MDGA2: variants seen among roughly 807,000 people sequenced by gnomAD.
MDGA2 encodes MAM domain containing glycosylphosphatidylinositol anchor 2, also known as MAM domain-containing glycosylphosphatidylinositol anchor protein 2.
A neutral mutation model predicts 117.8 loss-of-function variants in MDGA2; 40 were observed. The ratio of observed to expected loss-of-function variants is 0.34; its 90% CI spans 0.26 to 0.44. The LOEUF is 0.44. Among genes scored for constraint, MDGA2 ranks in the 20% least tolerant of loss-of-function variants. MDGA2 has a pLI of 1.00. For missense variants in MDGA2, 1,123 were observed against 1,250.6 expected, an observed-to-expected ratio of 0.90 and a Z score of 1.54; for synonymous variants, 452 against 439.0, an observed-to-expected ratio of 1.03 and a Z score of -0.37.
At chr14:46,904,451 A>C (rs1883414445) in intron 10 of MDGA2, among the ~76,000 whole-genome samples, 2 of 152,094 alleles carry the variant, frequency 1.3e-5, no homozygotes, top group Non-Finnish European at 2.9e-5. Flanking sequence ...CATTAATAGC[A>C]GAAGTGCTAA....
chr14:47,527,058 C>T (rs1894987051), intron 1 of MDGA2, among the ~76,000 whole-genome samples: 2 of 152,172 alleles, frequency 1.3e-5, no homozygotes, highest in African/African-American at 4.8e-5. Context: ...CCATACTGAA[C>T]AACCTACAAA....
intron 1 of MDGA2, among the ~76,000 whole-genome samples, chr14:47,659,306 T>C (rs1277093721): frequency 2.0e-5 from 3 of 152,172 alleles, no homozygotes; most frequent in African/African-American, 7.2e-5. Context: ...TCTGTAGAAA[T>C]GCTGAGTCTT....
chr14:47,286,136 G>A (rs1364702929), intron 2 of MDGA2, among the ~76,000 whole-genome samples: 1 of 151,944 alleles, frequency 6.6e-6, no homozygotes, highest in Non-Finnish European at 1.5e-5. Flanking sequence ...TGGAGTACAT[G>A]TGATGTTTTG....
intron 2 of MDGA2, among the ~76,000 whole-genome samples, chr14:47,219,687 A>C (rs1422164985): frequency 6.6e-6 from 1 of 152,016 alleles, no homozygotes; most frequent in Non-Finnish European, 1.5e-5. Context: ...GCTAAACGAT[A>C]GGTGGTTATA....
At position 47,158,363 on chromosome 14, in the gene MDGA2, G is replaced by GGTGTGTGTGT. The variant is rs34198544; in HGVS notation, c.596-14099_596-14090dup. ...TTTCTCAGAACATATCCCTGGGGTG[G>GGTGTGTGTGT]GTGTGTGTGTGTGTGTGTGTGTGTG... On this transcript the variant is annotated intron_variant, in intron 3 of 16. Transcript: ENST00000399232. Among the ~76,000 whole-genome samples, 398 of 146,766 alleles carry GGTGTGTGTGT rather than the reference G, an allele frequency of 2.7e-3. 2 individuals are homozygous for GGTGTGTGTGT. Among genetic ancestry groups the GGTGTGTGTGT allele is most frequent in the African/African-American group, 9.4e-3 (371 of 39,598 alleles).
At chr14:47,181,678 T>G (rs543480046) in intron 3 of MDGA2, among the ~76,000 whole-genome samples, 1 of 152,212 alleles carries the variant, frequency 6.6e-6, no homozygotes, top group Non-Finnish European at 1.5e-5. Context: ...AGTTTTATCT[T>G]CTCAATTATT....
At chr14:47,360,857 T>C (rs1891104772) in intron 1 of MDGA2, among the ~76,000 whole-genome samples, 1 of 151,876 alleles carries the variant, frequency 6.6e-6, no homozygotes, top group Admixed American at 6.6e-5. Flanking sequence ...GACATGAGAC[T>C]AAGTAAAATA....
At chr14:46,947,859 AT>A (rs1220390015) in intron 9 of MDGA2, among the ~76,000 whole-genome samples, 3 of 151,648 alleles carry the variant, frequency 2.0e-5, no homozygotes, top group Non-Finnish European at 2.9e-5. Context: ...CTCAGTTATT[AT>A]TTTTTTCATT....
chr14:47,305,433 T>C (rs920672058), intron 1 of MDGA2: 1 of 152,196 alleles, frequency 6.6e-6, no homozygotes, highest in African/African-American at 2.4e-5. Flanking sequence ...TTCCTAACAC[T>C]AATCATATCA....
At chr14:47,297,500 A>AAGGGC (rs1566726334) in intron 2 of MDGA2, among the ~76,000 whole-genome samples, 1 of 114,776 alleles carries the variant, frequency 8.7e-6, no homozygotes, top group Non-Finnish European at 1.8e-5. Flanking sequence ...GTGTGAAGGG[A>AAGGGC]AGGGAAGGGA....
intron 6 of MDGA2, among the ~76,000 whole-genome samples, chr14:47,073,057 T>C (rs1407644467): frequency 6.6e-6 from 1 of 152,164 alleles, no homozygotes; most frequent in Admixed American, 6.5e-5. Context: ...AAAACACTTA[T>C]TATTTCCAGA....
chr14:47,302,559 G>A (rs1889318204), intron 1 of MDGA2, among the ~76,000 whole-genome samples: 1 of 152,098 alleles, frequency 6.6e-6, no homozygotes, highest in Admixed American at 6.5e-5. Flanking sequence ...ATTACTAGCA[G>A]AGGTTGTGAT....
intron 10 of MDGA2, among the ~76,000 whole-genome samples, chr14:46,902,621 T>C (rs1048977432): frequency 6.6e-6 from 1 of 152,214 alleles, no homozygotes; most frequent in Non-Finnish European, 1.5e-5. Flanking sequence ...TAGCATTGTA[T>C]TGATGCAGAA....
rs573874779 is a variant in MDGA2 at position 47,510,293 on chromosome 14, C to T, written c.280+164224G>A. On this transcript the variant is annotated intron_variant, in intron 1 of 16. Coordinates refer to ENST00000399232, the MANE Select transcript of MDGA2 (RefSeq NM_001113498.3). Reference sequence around the variant, plus strand: ...ACCTTGATTTCAAGCCTGCAGCCTCCGGAACTGTGAGAAATAAATTCCTGT... The same window carrying T: ...ACCTTGATTTCAAGCCTGCAGCCTCTGGAACTGTGAGAAATAAATTCCTGT... 1.7e-3 allele frequency among the ~76,000 whole-genome samples: 262 copies of T among 152,266 alleles called. 1 individual carries two copies. The highest frequency in any genetic ancestry group is 5.9e-3 in the African/African-American group (246 of 41,544).
intron 2 of MDGA2, among the ~76,000 whole-genome samples, chr14:47,293,039 T>A (rs1242677205): frequency 1.3e-5 from 2 of 152,108 alleles, no homozygotes; most frequent in South Asian, 2.1e-4. Context: ...AGTTTAGAGA[T>A]CCTTGTTCTA....
chr14:47,132,910 G>C (rs1882273865), intron 4 of MDGA2, among the ~76,000 whole-genome samples: 1 of 151,784 alleles, frequency 6.6e-6, no homozygotes, highest in Non-Finnish European at 1.5e-5. Context: ...AGGAGGACTG[G>C]AATACTTAGT....
At chr14:47,413,126 A>G (rs1206898399) in intron 1 of MDGA2, among the ~76,000 whole-genome samples, 1 of 152,188 alleles carries the variant, frequency 6.6e-6, no homozygotes, top group African/African-American at 2.4e-5. Flanking sequence ...TCAGTATTTC[A>G]AACTGACATT....
At chr14:46,850,488 C>T (rs1294181356) in intron 15 of MDGA2, among the ~76,000 whole-genome samples, 1 of 151,728 alleles carries the variant, frequency 6.6e-6, no homozygotes, top group Non-Finnish European at 1.5e-5. Context: ...ATCATTACTG[C>T]TAAGGCAAAT....
intron 9 of MDGA2, among the ~76,000 whole-genome samples, chr14:46,940,421 G>T (rs1331698828): frequency 4.6e-5 from 7 of 151,976 alleles, no homozygotes; most frequent in Non-Finnish European, 1.0e-4. Flanking sequence ...CTGAGGTCAG[G>T]GATTCAAGAC....
Sources: allele counts gnomAD v4.1 joint callset (sites outside exome capture counted in the v4.1 genomes callset), GRCh38; gene constraint gnomAD v4.1.1; transcripts MANE v1.5; gene names NCBI Gene and HGNC (gene_info 2026-07-23, HGNC 2026-07-21).